RYR3: variants seen among roughly 807,000 people sequenced by gnomAD.
RYR3 encodes the protein brain ryanodine receptor-calcium release channel.
A neutral mutation model predicts 584.3 loss-of-function variants in RYR3; 207 were observed. The observed-to-expected ratio is 0.35, with a 90% CI of 0.32 to 0.40. The LOEUF (loss-of-function observed/expected upper bound fraction) is 0.40. Ranked by LOEUF, RYR3 falls within the 10% of genes least tolerant of loss-of-function variation. The pLI, the probability that RYR3 is intolerant of heterozygous loss-of-function variation, is 1.00. For missense variants in RYR3, 5,616 were observed against 6,089.2 expected, an observed-to-expected ratio of 0.92 and a Z score of 2.59; for synonymous variants, 2,416 against 2,248.5, an observed-to-expected ratio of 1.07 and a Z score of -2.11.
At chr15:33,534,407 A>G (rs905384131) in intron 5 of RYR3, among the ~76,000 whole-genome samples, 2 of 152,268 alleles carry the variant, frequency 1.3e-5, no homozygotes, top group Non-Finnish European at 2.9e-5. Context: ...GTCTCGAAAG[A>G]AAAAAGTAGT....
chr15:33,446,214 TCTC>T (rs2046646270), intron 1 of RYR3, among the ~76,000 whole-genome samples: 1 of 152,198 alleles, frequency 6.6e-6, no homozygotes, highest in African/African-American at 2.4e-5. Flanking sequence ...AAATTAGTGT[TCTC>T]CTCGCAAGGA....
intron 93 of RYR3, among the ~76,000 whole-genome samples, chr15:33,847,903 G>A (rs997771549): frequency 1.1e-4 from 16 of 152,124 alleles, no homozygotes; most frequent in Admixed American, 8.5e-4. Context: ...GTGGCTGGCC[G>A]ATCTATTCTA....
intron 16 of RYR3, among the ~76,000 whole-genome samples, chr15:33,587,103 C>T (rs1225237157): frequency 1.3e-5 from 2 of 152,074 alleles, no homozygotes; most frequent in Non-Finnish European, 2.9e-5. Flanking sequence ...ATGCATCAGC[C>T]GTGGGCAGCA....
intron 16 of RYR3, among the ~76,000 whole-genome samples, chr15:33,597,590 G>A (rs1179279301): frequency 7.0e-6 from 1 of 142,824 alleles, no homozygotes; most frequent in Non-Finnish European, 1.5e-5. Flanking sequence ...CAGCCTGGGC[G>A]ACAGTGCAAC....
At chr15:33,673,274 G>T (rs567049393) in intron 38 of RYR3, among the ~76,000 whole-genome samples, 2 of 152,308 alleles carry the variant, frequency 1.3e-5, no homozygotes, top group East Asian at 3.9e-4. Context: ...GGCTCACCCC[G>T]CAGTCCCTCT....
At chr15:33,441,322 A>C (rs1309660118) in intron 1 of RYR3, among the ~76,000 whole-genome samples, 1 of 152,188 alleles carries the variant, frequency 6.6e-6, no homozygotes, top group Non-Finnish European at 1.5e-5. Flanking sequence ...TTAAAAAAAA[A>C]CTTAGGATGA....
intron 23 of RYR3, 32 bp from the exon 24 acceptor site, chr15:33,632,917 T>A: frequency 1.3e-6 from 2 of 1,586,768 alleles, no homozygotes; most frequent in Non-Finnish European, 1.7e-6. Context: ...TGGAGATCTG[T>A]TAAAAATGTA....
intron 67 of RYR3, among the ~76,000 whole-genome samples, chr15:33,799,445 A>AG (rs1323967835): frequency 6.6e-6 from 1 of 151,872 alleles, no homozygotes; most frequent in East Asian, 1.9e-4. Flanking sequence ...CCACCACAAA[A>AG]AAACCCTAAG....
intron 51 of RYR3, among the ~76,000 whole-genome samples, chr15:33,741,338 C>T (rs2070077785): frequency 6.6e-6 from 1 of 152,316 alleles, no homozygotes; most frequent in South Asian, 2.1e-4. Flanking sequence ...AATCGACAAT[C>T]TTCAGGTGTC....
intron 51 of RYR3, among the ~76,000 whole-genome samples, 193 bp downstream of exon 51, chr15:33,740,188 T>G (rs59538569): frequency 2.6e-5 from 4 of 152,054 alleles, no homozygotes; most frequent in Middle Eastern, 3.4e-3. Flanking sequence ...ATATTCTGGG[T>G]TTTTGGTGGG....
chr15:33,373,031 C>G (rs1258315767), intron 1 of RYR3, among the ~76,000 whole-genome samples: 1 of 152,228 alleles, frequency 6.6e-6, no homozygotes, highest in Non-Finnish European at 1.5e-5. Flanking sequence ...GACACCATCT[C>G]ATACTTCTCA....
rs747423491 is a variant in RYR3, at chr15:33,755,202, C to A, written c.8515+22C>A. ...TTAGGTAAGTATCATCATGAAATAA[C>A]CCAAAAGAATTCAATATTCTTTTAT... On this transcript the variant is annotated intron_variant, in intron 58 of 103. Coordinates refer to ENST00000634891, the MANE Select transcript of RYR3 (RefSeq NM_001036.6). 4 of 1,304,770 alleles carry A rather than the reference C, an allele frequency of 3.1e-6. No individual in the cohort carries two copies. In the South Asian group the frequency reaches 3.7e-5, roughly 12 times the overall value. 80.8% of individuals were successfully genotyped at this position (1,304,770 alleles called of 1,614,324 possible).
intron 1 of RYR3, among the ~76,000 whole-genome samples, chr15:33,318,120 G>A (rs557733302): frequency 6.6e-6 from 1 of 152,384 alleles, no homozygotes; most frequent in South Asian, 2.1e-4. Flanking sequence ...TTATTTCAGA[G>A]TGCAAAGGAG....
intron 61 of RYR3, among the ~76,000 whole-genome samples, 171 bp from the exon 62 acceptor site, chr15:33,768,941 C>CA (rs3214581): frequency 0.18 from 27,758 of 152,134 alleles, 2,673 homozygotes; most frequent in South Asian, 0.23. Context: ...CATCATAAAG[C>CA]AAGGCTGTGT....
intron 2 of RYR3, among the ~76,000 whole-genome samples, chr15:33,477,014 C>T (rs2142277689): frequency 6.6e-6 from 1 of 152,270 alleles, no homozygotes; most frequent in East Asian, 1.9e-4. Flanking sequence ...TGCCCTAATT[C>T]TCTACCATCA....
At chr15:33,766,509 G>C (rs1596493942) in intron 60 of RYR3, among the ~76,000 whole-genome samples, 1 of 152,292 alleles carries the variant, frequency 6.6e-6, no homozygotes, top group Middle Eastern at 3.4e-3. Flanking sequence ...AGTAAAGTGA[G>C]ATATTCAGAT....
At chr15:33,367,270 A>G (rs945333952) in intron 1 of RYR3, among the ~76,000 whole-genome samples, 4 of 152,176 alleles carry the variant, frequency 2.6e-5, no homozygotes, top group African/African-American at 9.7e-5. Flanking sequence ...GTAACCAAGA[A>G]AAGACTATAG....
intron 19 of RYR3, among the ~76,000 whole-genome samples, chr15:33,616,278 A>T (rs969054807): frequency 3.9e-4 from 60 of 152,184 alleles, no homozygotes; most frequent in Non-Finnish European, 7.2e-4. Flanking sequence ...TCTGCTCTCA[A>T]ATGTTGCATA....
intron 3 of RYR3, among the ~76,000 whole-genome samples, chr15:33,528,911 G>A (rs2054615682): frequency 6.6e-6 from 1 of 152,162 alleles, no homozygotes; most frequent in Non-Finnish European, 1.5e-5. Flanking sequence ...AAGAGTTGGA[G>A]GAAGGTAGGA....
Sources: gnomAD v4.1 joint callset for allele counts (sites outside exome capture counted in the v4.1 genomes callset) on GRCh38, gnomAD v4.1.1 for gene constraint, MANE v1.5 for transcripts, NCBI Gene and HGNC (gene_info 2026-07-23, HGNC 2026-07-21) for gene names.